Variants in CHLSN observed in about 807,000 individuals in gnomAD.
The protein encoded by CHLSN is protein cholesin.
At chr7:1,122,146 G>T in the CHLSN span, among the ~76,000 whole-genome samples, 7 of 152,350 alleles carry the variant, frequency 4.6e-5, no homozygotes, top group African/African-American at 1.7e-4. Context: ...CCCAGGACCA[G>T]CTGGCCAGGT....
chr7:1,016,959 G>C, the CHLSN span, among the ~76,000 whole-genome samples: 3 of 141,660 alleles, frequency 2.1e-5, no homozygotes, highest in East Asian at 2.0e-4. Context: ...CCAGCGCACA[G>C]CAGCACACGC....
At chr7:1,014,437 C>T in the CHLSN span, among the ~76,000 whole-genome samples, 141 of 152,370 alleles carry the variant, frequency 9.3e-4, no homozygotes, top group African/African-American at 3.2e-3. Context: ...GCCCACCCCA[C>T]CCGTCCATCT....
At chr7:1,064,039 G>C in the CHLSN span, among the ~76,000 whole-genome samples, 1 of 152,200 alleles carries the variant, frequency 6.6e-6, no homozygotes, top group Admixed American at 6.5e-5. Flanking sequence ...TGAGGGGAGG[G>C]AGTCACTTCA....
the CHLSN span, among the ~76,000 whole-genome samples, chr7:1,009,445 G>A: frequency 3.9e-5 from 6 of 152,044 alleles, no homozygotes; most frequent in Middle Eastern, 3.2e-3. Flanking sequence ...ATCCTGCACC[G>A]TCCACCCAGC....
At chr7:1,118,799 CAAAAAAAAA>C in the CHLSN span, among the ~76,000 whole-genome samples, 11 of 76,244 alleles carry the variant, frequency 1.4e-4, no homozygotes, top group Admixed American at 6.7e-4. Context: ...CCATCTCTAC[CAAAAAAAAA>C]AAAAAAAAAA....
the CHLSN span, among the ~76,000 whole-genome samples, chr7:1,036,213 C>A: frequency 6.6e-6 from 1 of 152,228 alleles, no homozygotes; most frequent in Non-Finnish European, 1.5e-5. Flanking sequence ...TTTATCAAAA[C>A]CCACAGAGCA....
the CHLSN span, among the ~76,000 whole-genome samples, chr7:1,101,415 G>T: frequency 6.6e-6 from 1 of 151,270 alleles, no homozygotes; most frequent in Non-Finnish European, 1.5e-5. Flanking sequence ...GAGCAGGCGC[G>T]TGCGGCGTCG....
At chr7:1,015,129 C>T in the CHLSN span, among the ~76,000 whole-genome samples, 4 of 152,232 alleles carry the variant, frequency 2.6e-5, no homozygotes, top group East Asian at 1.9e-4. Flanking sequence ...CTTCCCCAGC[C>T]GTGGCCTCAC....
At chr7:1,128,721 G>A in the CHLSN span, among the ~76,000 whole-genome samples, 2 of 28,742 alleles carry the variant, frequency 7.0e-5, no homozygotes, top group Non-Finnish European at 1.2e-4. Flanking sequence ...GCACGATCTC[G>A]GCTCATCCCA....
At chr7:1,072,844 T>G in the CHLSN span, among the ~76,000 whole-genome samples, 1 of 152,026 alleles carries the variant, frequency 6.6e-6, no homozygotes, top group Non-Finnish European at 1.5e-5. Context: ...CCACCACGCC[T>G]GGCTAATTTT....
chr7:985,148 G>T, the CHLSN span: 1 of 1,598,154 alleles, frequency 6.3e-7, no homozygotes, highest in Non-Finnish European at 8.5e-7. Flanking sequence ...ACGTGCCTGA[G>T]GCCCGTCTCC....
chr7:1,014,472 C>T, the CHLSN span, among the ~76,000 whole-genome samples: 20 of 152,362 alleles, frequency 1.3e-4, no homozygotes, highest in African/African-American at 4.8e-4. Context: ...CTGTGTGAGC[C>T]GTGCTCCCCA....
the CHLSN span, chr7:1,091,289 C>A: frequency 6.3e-6 from 1 of 159,678 alleles, no homozygotes; most frequent in Non-Finnish European, 1.4e-5. Context: ...GAGGTTCTGG[C>A]CCTCCCCAGT....
At chr7:1,002,194 G>GT in the CHLSN span, among the ~76,000 whole-genome samples, 1 of 108,328 alleles carries the variant, frequency 9.2e-6, no homozygotes. Flanking sequence ...CCTGTGGGTG[G>GT]GGAGTCCTGT....
the CHLSN span, among the ~76,000 whole-genome samples, chr7:1,046,424 G>C: frequency 6.6e-6 from 1 of 152,176 alleles, no homozygotes; most frequent in East Asian, 1.9e-4. Context: ...CAGCTCCTCT[G>C]CTCTCCAGGG....
the CHLSN span, among the ~76,000 whole-genome samples, chr7:1,110,604 G>A: frequency 1.3e-5 from 2 of 152,244 alleles, no homozygotes; most frequent in African/African-American, 4.8e-5. Flanking sequence ...GCATCCCGAG[G>A]GAGCAGACCG....
the CHLSN span, among the ~76,000 whole-genome samples, chr7:1,004,522 T>A: frequency 6.6e-6 from 1 of 151,940 alleles, no homozygotes; most frequent in Non-Finnish European, 1.5e-5. Flanking sequence ...GGCGCCTCTC[T>A]CTCACCGAGC....
At chr7:1,138,237 T>A in the CHLSN span, 1 of 152,130 alleles carries the variant, frequency 6.6e-6, no homozygotes, top group Admixed American at 6.6e-5. Context: ...AACAGCTGCG[T>A]CGCGGACGCC....
At chr7:994,439 G>C in the CHLSN span, among the ~76,000 whole-genome samples, 1 of 151,948 alleles carries the variant, frequency 6.6e-6, no homozygotes, top group Non-Finnish European at 1.5e-5. Context: ...GGGATTACAG[G>C]CGTGAGCCAC....
Sources: allele counts gnomAD v4.1 joint callset (sites outside exome capture counted in the v4.1 genomes callset), GRCh38; gene constraint gnomAD v4.1.1; transcripts MANE v1.5; gene names NCBI Gene and HGNC (gene_info 2026-07-23, HGNC 2026-07-21).